MRPL38: variants seen among roughly 807,000 people sequenced by gnomAD.
The protein encoded by MRPL38 is mitochondrial ribosomal protein L38.
A neutral mutation model predicts 52.1 loss-of-function variants in MRPL38; 51 were observed. The ratio of observed to expected loss-of-function variants is 0.98; its 90% CI spans 0.78 to 1.24. The LOEUF (loss-of-function observed/expected upper bound fraction) is 1.24, where lower values mean the gene tolerates loss of function less well. MRPL38 is among the 50% of genes most tolerant of loss of function. The pLI is 0.00. For missense variants in MRPL38, 527 were observed against 518.6 expected (o/e 1.02, Z -0.16); for synonymous variants, 245 against 212.7 (o/e 1.15, Z -1.32).
rs772730987 is a variant in MRPL38, at chr17:75,901,483, C to G, written c.592-210G>C. ...AAACGAACATGTGCCAAGGCCGGGC[C>G]AGGAGGGCACACCACAGACAGCAGG... On this transcript the variant is annotated intron_variant, in intron 4 of 8. Transcript: ENST00000309352. The surrounding 1 kb of genome is among the most constrained non-coding windows in gnomAD (Gnocchi z 5.7). 3.0e-6 allele frequency: 2 copies of G among 666,806 alleles called. No individual in the cohort carries two copies. Among genetic ancestry groups the G allele is most frequent in the Non-Finnish European group, 5.2e-6 (2 of 385,868 alleles). The allele number at this position is 666,806 out of a possible 1,614,324, so 41.3% of individuals were successfully genotyped here.
intron 8 of MRPL38, 21 bp downstream of exon 8, chr17:75,899,136 GC>G: frequency 6.3e-7 from 1 of 1,590,474 alleles, no homozygotes; most frequent in Non-Finnish European, 8.5e-7. Context: ...CCCACCCAGT[GC>G]CCCAGCCCCA....
intron 2 of MRPL38, 74 bp downstream of exon 2, chr17:75,904,466 C>A (rs2144136714): frequency 7.0e-7 from 1 of 1,437,966 alleles, no homozygotes. Flanking sequence ...GCTCGCCCAG[C>A]GCCCGGGGAA....
Position 75,898,789 on chromosome 17 carries a change from C to T in MRPL38, c.*61G>A. On this transcript the variant is annotated 3_prime_UTR_variant, in exon 9 of 9. Transcript: ENST00000309352. ...GACCCCACAGTGTGGGCCTCTGGAG[C>T]TGTGTCTTTACTCTTGCTGCCGATC... 2 of 1,598,194 alleles carry T rather than the reference C, an allele frequency of 1.3e-6. No homozygotes were observed. The highest frequency in any genetic ancestry group is 1.3e-5 in the African/African-American group (1 of 74,826).
Position 75,902,058 on chromosome 17 carries a change from G to T in MRPL38, c.344C>A (p.Ala115Asp). ...GGCAGCCCGCTCCTCTTCCACATTG[G>T]CCCGAAGCTCCTGGATGGCCTGTTT... Reference protein sequence around the residue: ...ERKQAIQELRANVEEERAARL... With the variant: ...ERKQAIQELRDNVEEERAARL... Residue 115 changes from alanine to aspartate, a missense_variant, in exon 3 of 9, where the codon GCC becomes GAC. Coordinates refer to ENST00000309352, the MANE Select transcript of MRPL38 (RefSeq NM_032478.4). 1 of 1,612,970 alleles carries T rather than the reference G, an allele frequency of 6.2e-7. No individual in the cohort carries two copies. Among genetic ancestry groups the T allele is most frequent in the African/African-American group, 1.3e-5 (1 of 75,034 alleles).
chr17:75,898,822 T>G lies in MRPL38; in HGVS notation c.*28A>C. ...TTACTCTTGCTGCCGATCAATCCCA[T>G]GCTCTGAAATGCGCACACTCTGGCT... On this transcript the variant is annotated 3_prime_UTR_variant, in exon 9 of 9. Coordinates refer to ENST00000309352, the MANE Select transcript of MRPL38 (RefSeq NM_032478.4). 6.2e-7 allele frequency: 1 copy of G among 1,610,704 alleles called. No individual in the cohort carries two copies. The highest frequency in any genetic ancestry group is 8.5e-7 in the Non-Finnish European group (1 of 1,179,046).
chr17:75,902,400 C>A (rs1368891543), intron 2 of MRPL38: 2 of 504,404 alleles, frequency 4.0e-6, no homozygotes, highest in East Asian at 6.8e-5. Context: ...CCACTGCGCC[C>A]AGCCATGGTA....
chr17:75,900,629 G>C, intron 6 of MRPL38: 1 of 382,718 alleles, frequency 2.6e-6, no homozygotes. Flanking sequence ...ACTGAGGTGG[G>C]AAGAGCACCT....
At chr17:75,899,082 C>G (rs2065391573) in intron 8 of MRPL38, 76 bp downstream of exon 8, 1 of 1,540,214 alleles carries the variant, frequency 6.5e-7, no homozygotes, top group Admixed American at 2.0e-5. Flanking sequence ...CTTCCCCTAA[C>G]AAAGCTTCTC....
chr17:75,900,671 T>G, intron 6 of MRPL38: 2 of 887,168 alleles, frequency 2.3e-6, no homozygotes, highest in Non-Finnish European at 2.9e-6. Context: ...CAATTAGCCA[T>G]GATTGCACCA....
chr17:75,900,663 A>C, intron 6 of MRPL38: 1 of 785,392 alleles, frequency 1.3e-6, no homozygotes, highest in East Asian at 5.0e-5. Context: ...AGCGGCTGCA[A>C]TTAGCCATGA....
At chr17:75,903,723 C>CTT in intron 2 of MRPL38, among the ~76,000 whole-genome samples, 1 of 144,126 alleles carries the variant, frequency 6.9e-6, no homozygotes. Context: ...AGGTTGGGGT[C>CTT]TTTTTTTTTT....
At position 75,901,209 on chromosome 17, in the gene MRPL38, G is replaced by A. The variant is rs568232635; in HGVS notation, c.656C>T (p.Thr219Ile). Residue 219 changes from threonine (T) to isoleucine (I), a missense_variant, in exon 5 of 9, where the codon ACT (threonine) becomes ATT (isoleucine). By Grantham distance (89) the Thr-to-Ile change is moderately conservative. Coordinates refer to ENST00000309352, the MANE Select transcript of MRPL38 (RefSeq NM_032478.4). The surrounding 1 kb of genome is among the most constrained non-coding windows in gnomAD (Gnocchi z 5.7). ...EEGSLWTLLL[T>I]SLDGHLLEPD... is the part of the protein sequence containing the mutation. Reference sequence around the variant, plus strand: ...GAGCCCCAGACACCCACCCAAGCTAGTGAGTAGCAACGTCCACAAGGAGCC... The same window carrying A: ...GAGCCCCAGACACCCACCCAAGCTAATGAGTAGCAACGTCCACAAGGAGCC... 1.9e-6 allele frequency: 3 copies of A among 1,613,614 alleles called. No individual in the cohort carries two copies. In the South Asian group the frequency reaches 3.3e-5, roughly 18 times the overall value.
chr17:75,904,770 G>GGGGGGGGCCCCCC, intron 1 of MRPL38, 39 bp downstream of exon 1: 3 of 500,004 alleles, frequency 6.0e-6, no homozygotes, highest in East Asian at 5.2e-5. Context: ...TCGGGCGACA[G>GGGGGGGGCCCCCC]CCCCCCCCCC....
rs762602263 is a variant in MRPL38 at position 75,902,161 on chromosome 17, T to G, written c.248-7A>C. On this transcript the variant is annotated splice_region_variant and splice_polypyrimidine_tract_variant and intron_variant, in intron 2 of 8. Coordinates refer to ENST00000309352, the MANE Select transcript of MRPL38 (RefSeq NM_032478.4). ...TCAATCTTCTCTTTGGGATCTGGAGTGGGAAGATGTGTGGGAAAAACAGGG... is the reference window on the plus strand; with the variant it reads ...TCAATCTTCTCTTTGGGATCTGGAGGGGGAAGATGTGTGGGAAAAACAGGG... The G allele has an allele frequency of 6.4e-7, 1 of 1,552,756 alleles. No individual in the cohort carries two copies. The highest frequency in any genetic ancestry group is 1.2e-5 in the South Asian group (1 of 84,116).
At position 75,904,709 on chromosome 17, in the gene MRPL38, G is replaced by A; in HGVS notation, c.78C>T (p.Gly26=). The A allele has an allele frequency of 6.3e-7, 1 of 1,584,938 alleles. No individual in the cohort carries two copies. Among genetic ancestry groups the A allele is most frequent in the Non-Finnish European group, 8.5e-7 (1 of 1,173,824 alleles). Residue 26 remains glycine (G), a synonymous_variant, in exon 2 of 9, where the codon GGC becomes GGT. Coordinates refer to ENST00000309352, the MANE Select transcript of MRPL38 (RefSeq NM_032478.4). ...WRGFSTSAVL[G]RRTPPLGPMP... is the part of the protein sequence containing the mutation. ...TCGGCCCCAGCGGGGGTGTCCGGCGGCCCAGGACGGCTGCGGGCAGAGAGA... is the reference window on the plus strand; with the variant it reads ...TCGGCCCCAGCGGGGGTGTCCGGCGACCCAGGACGGCTGCGGGCAGAGAGA...
In MRPL38 at chr17:75,904,624, C is replaced by A; in HGVS notation, c.163G>T (p.Asp55Tyr). The change falls in exon 2 of 9, where the codon GAC becomes TAC. Residue 55 changes from aspartate (D) to tyrosine (Y), a missense_variant. By Grantham distance (160) the Asp-to-Tyr change is radical (BLOSUM62 -3). Transcript: ENST00000309352. ...LERLEKYRSF[D>Y]RYRRRAEQEA... ...TGCTCTGCTCGGCGCCGGTAGCGGT[C>A]GAAGCTCCGGTACTTCTCCAGCCGC... The A allele has an allele frequency of 6.3e-7, 1 of 1,594,402 alleles. No individual in the cohort carries two copies. The highest frequency in any genetic ancestry group is 1.1e-5 in the South Asian group (1 of 89,786).
At position 75,901,072 on chromosome 17, in the gene MRPL38, C is replaced by T; in HGVS notation, c.665-45G>A. 6.2e-7 allele frequency: 1 copy of T among 1,600,336 alleles called. No individual in the cohort carries two copies. Among genetic ancestry groups the T allele is most frequent in the African/African-American group, 1.3e-5 (1 of 74,540 alleles). On this transcript the variant is annotated intron_variant, in intron 5 of 8. Coordinates refer to ENST00000309352, the MANE Select transcript of MRPL38 (RefSeq NM_032478.4). This position sits in a 1 kb window ranked among gnomAD's most constrained non-coding sequence, Gnocchi z 5.7. ...CTGACCACGGCCCAGCCGACCACGG[C>T]CCTGCCACCCCCTCCCTTGTTAGGA...
At position 75,898,669 on chromosome 17, in the gene MRPL38, C is replaced by G. The variant is rs1476093987; in HGVS notation, c.*181G>C. ...CCCGGCAAGAAATCATGTTTATTCA[C>G]ATTCCCCACCCCACCACCTGAGAGT... On this transcript the variant is annotated 3_prime_UTR_variant, in exon 9 of 9. Coordinates refer to ENST00000309352, the MANE Select transcript of MRPL38 (RefSeq NM_032478.4). 2 of 657,928 alleles carry G rather than the reference C, an allele frequency of 3.0e-6. No homozygotes were observed. The highest frequency in any genetic ancestry group is 3.7e-5 in the African/African-American group (2 of 54,724). The allele number at this position is 657,928 out of a possible 1,614,324, so 40.8% of individuals were successfully genotyped here.
intron 7 of MRPL38, 82 bp from the exon 8 acceptor site, chr17:75,899,376 A>T: frequency 6.5e-7 from 1 of 1,548,204 alleles, no homozygotes; most frequent in Non-Finnish European, 8.7e-7. Flanking sequence ...GGTAACCCTG[A>T]GAGGCCCCTG....
Sources: gnomAD v4.1 joint callset for allele counts (sites outside exome capture counted in the v4.1 genomes callset) on GRCh38, gnomAD v4.1.1 for gene constraint, Gnocchi (gnomAD v3.1) non-coding constraint, MANE v1.5 for transcripts, NCBI Gene and HGNC (gene_info 2026-07-23, HGNC 2026-07-21) for gene names.